FKBP15: variants seen among roughly 807,000 people sequenced by gnomAD.
The protein encoded by FKBP15 is FKBP prolyl isomerase family member 15.
Under a neutral mutation model 158.1 loss-of-function variants are expected in FKBP15, and 106 were observed. The observed-to-expected ratio is 0.67, with a 90% CI of 0.57 to 0.79. FKBP15 has a LOEUF of 0.79. FKBP15 is among the 30% of genes least tolerant of loss of function. The pLI, the probability that FKBP15 is intolerant of heterozygous loss-of-function variation, is 0.00. For missense variants in FKBP15, 1,287 were observed against 1,479.1 expected (o/e 0.87, Z 2.13); for synonymous variants, 547 against 548.6 (o/e 1.00, Z 0.04).
intron 19 of FKBP15, 24 bp downstream of exon 19, chr9:113,182,742 C>A (rs1830420687): frequency 6.3e-7 from 1 of 1,596,670 alleles, no homozygotes; most frequent in African/African-American, 1.3e-5. Context: ...CTGACCTGGG[C>A]TTTTCTCTCC....
chr9:113,205,176 T>C (rs1339308992), intron 4 of FKBP15, among the ~76,000 whole-genome samples: 1 of 152,200 alleles, frequency 6.6e-6, no homozygotes, highest in Non-Finnish European at 1.5e-5. Flanking sequence ...AAGAAAAAAC[T>C]TGATAATATG....
In FKBP15 at chr9:113,183,591, A is replaced by T. The variant is rs564425819; in HGVS notation, c.1811+160T>A. The stretch of plus-strand genomic sequence containing the variant: ...CAGCCTACTAAGCTCCTTCTACTGC[A>T]ATGCCTCTCAGAAAACAGGCAATAA... On this transcript the variant is annotated intron_variant, in intron 18 of 27. Coordinates refer to ENST00000238256, the MANE Select transcript of FKBP15 (RefSeq NM_015258.2). Among the ~76,000 whole-genome samples, 11 of 152,330 alleles carry T rather than the reference A, an allele frequency of 7.2e-5. No individual in the cohort carries two copies. The South Asian group carries it at 2.1e-3, about 29-fold the overall frequency.
intron 23 of FKBP15, among the ~76,000 whole-genome samples, chr9:113,172,773 C>T (rs1830236738): frequency 6.6e-6 from 1 of 152,208 alleles, no homozygotes; most frequent in African/African-American, 2.4e-5. Context: ...CATTCATCTG[C>T]AAGATTGCCT....
intron 1 of FKBP15, among the ~76,000 whole-genome samples, chr9:113,215,428 AT>A (rs1429026374): frequency 4.0e-5 from 6 of 151,800 alleles, no homozygotes; most frequent in African/African-American, 1.5e-4. Context: ...CATACACAAC[AT>A]TTATCAATTA....
rs1011945250 is a variant in FKBP15, at chr9:113,164,233, C to T, written c.*1845G>A. 1.3e-5 allele frequency: 2 copies of T among 152,178 alleles called. No individual in the cohort carries two copies. Among genetic ancestry groups the T allele is most frequent in the African/African-American group, 4.8e-5 (2 of 41,422 alleles). 9.4% of individuals were successfully genotyped at this position (152,178 alleles called of 1,614,324 possible). ...AGTGGGGCTAATAGAACTGGTAGTA[C>T]TCTTTATAAGCCTGTCTGAGGACAG... On this transcript the variant is annotated 3_prime_UTR_variant, in exon 28 of 28. Transcript: ENST00000238256.
chr9:113,200,419 C>T (rs887115870), intron 6 of FKBP15, among the ~76,000 whole-genome samples: 2 of 152,090 alleles, frequency 1.3e-5, no homozygotes, highest in Admixed American at 6.6e-5. Context: ...TTTGAAAAAA[C>T]GTCAGAAGGC....
chr9:113,218,395 A>G (rs909065096), intron 1 of FKBP15, among the ~76,000 whole-genome samples: 1 of 145,952 alleles, frequency 6.9e-6, no homozygotes, highest in Non-Finnish European at 1.5e-5. Context: ...ATATATATAT[A>G]TATATATATA....
intron 19 of FKBP15, 62 bp downstream of exon 19, chr9:113,182,704 A>T: frequency 7.4e-7 from 1 of 1,348,710 alleles, no homozygotes; most frequent in East Asian, 2.3e-5. Context: ...GAGTATGTAC[A>T]TGGGACCATT....
intron 21 of FKBP15, 36 bp downstream of exon 21, chr9:113,176,501 A>G: frequency 1.3e-6 from 2 of 1,536,452 alleles, no homozygotes; most frequent in South Asian, 2.4e-5. Flanking sequence ...TGTTTATTAA[A>G]CAGCTAATTC....
rs749752433 is a variant in FKBP15, at chr9:113,161,778, C to T, written c.*4300G>A. On this transcript the variant is annotated 3_prime_UTR_variant, in exon 28 of 28. Coordinates refer to ENST00000238256, the MANE Select transcript of FKBP15 (RefSeq NM_015258.2). ...CAGGCTGGCCCAGACAGCATTAGCC[C>T]CACTTCACAGAGAGGACAGCGAGGC... 2 of 1,487,332 alleles carry T rather than the reference C, an allele frequency of 1.3e-6. No homozygotes were observed. Among genetic ancestry groups the T allele is most frequent in the East Asian group, 4.5e-5 (2 of 44,162 alleles). 92.1% of individuals were successfully genotyped at this position (1,487,332 alleles called of 1,614,324 possible).
At chr9:113,189,982 GAC>G (rs1830547082) in intron 12 of FKBP15, among the ~76,000 whole-genome samples, 1 of 152,136 alleles carries the variant, frequency 6.6e-6, no homozygotes, top group East Asian at 1.9e-4. Flanking sequence ...GGAGAAAATT[GAC>G]AGACTTGAAT....
At chr9:113,180,753 TAAA>T in intron 19 of FKBP15, among the ~76,000 whole-genome samples, 1 of 152,282 alleles carries the variant, frequency 6.6e-6, no homozygotes, top group East Asian at 1.9e-4. Flanking sequence ...CCCTGTAAAA[TAAA>T]AAGGTTAAAC....
chr9:113,192,724 C>T (rs905642821), intron 11 of FKBP15, among the ~76,000 whole-genome samples: 2 of 152,142 alleles, frequency 1.3e-5, no homozygotes, highest in African/African-American at 2.4e-5. Context: ...CTAAAAACTC[C>T]ATAGGCATTA....
chr9:113,187,732 A>G (rs769480843), intron 14 of FKBP15, 61 bp downstream of exon 14: 3 of 1,324,666 alleles, frequency 2.3e-6, no homozygotes, highest in Non-Finnish European at 3.2e-6. Context: ...GAAGAAGAAA[A>G]GAGACTGACT....
chr9:113,176,200 TCTC>T (rs1054861688), intron 21 of FKBP15, among the ~76,000 whole-genome samples: 2 of 152,166 alleles, frequency 1.3e-5, no homozygotes, highest in Non-Finnish European at 2.9e-5. Flanking sequence ...GTGAGAAAGA[TCTC>T]CTTCTTATGT....
chr9:113,184,502 G>T lies in FKBP15; in HGVS notation c.1609-103C>A, dbSNP rs1237388714. 2.0e-6 allele frequency: 2 copies of T among 991,866 alleles called. No homozygotes were observed. Among genetic ancestry groups the T allele is most frequent in the Admixed American group, 4.3e-5 (2 of 46,650 alleles). 61.4% of individuals were successfully genotyped at this position (991,866 alleles called of 1,614,324 possible). A position where few individuals can be genotyped will look rare whatever the true frequency, so the allele number is the denominator to read the frequency against. On this transcript the variant is annotated intron_variant, in intron 16 of 27. Coordinates refer to ENST00000238256, the MANE Select transcript of FKBP15 (RefSeq NM_015258.2). The surrounding 1 kb of genome is among the most constrained non-coding windows in gnomAD (Gnocchi z 4.5). ...TTGTTAAGGGGGTTAATGAGTTCCT[G>T]GGACAATCTCTAACTGTTAAGTTAG... is the stretch of plus-strand genomic sequence containing the variant.
chr9:113,206,875 C>T, intron 3 of FKBP15: 1 of 434,366 alleles, frequency 2.3e-6, no homozygotes, highest in Non-Finnish European at 4.1e-6. Context: ...CGCCACCGCA[C>T]CCGGCCCAGC....
At position 113,169,569 on chromosome 9, in the gene FKBP15, T is replaced by C. The variant is rs1687009685; in HGVS notation, c.3140A>G (p.Glu1047Gly). The C allele has an allele frequency of 5.6e-6, 9 of 1,614,000 alleles. No individual in the cohort carries two copies. The highest frequency in any genetic ancestry group is 6.8e-6 in the Non-Finnish European group (8 of 1,179,886). The change falls in exon 26 of 28, where the codon GAG (glutamate) becomes GGG (glycine). Residue 1047 changes from glutamate (E) to glycine (G), a missense_variant. Coordinates refer to ENST00000238256, the MANE Select transcript of FKBP15 (RefSeq NM_015258.2). ...VLGPPTSIPP[E>G]PLGPVSMDSE... ...GTCCATGGATACAGGGCCTAGGGGC[T>C]CAGGTGGAATTGAAGTCGGGGGCCC...
At chr9:113,216,792 G>A (rs1831143302) in intron 1 of FKBP15, among the ~76,000 whole-genome samples, 1 of 152,104 alleles carries the variant, frequency 6.6e-6, no homozygotes, top group African/African-American at 2.4e-5. Flanking sequence ...AGACAAGAGT[G>A]TCATAAGTGA....
Sources: allele counts gnomAD v4.1 joint callset (sites outside exome capture counted in the v4.1 genomes callset), GRCh38; gene constraint gnomAD v4.1.1; non-coding constraint Gnocchi (gnomAD v3.1); transcripts MANE v1.5; gene names NCBI Gene and HGNC (gene_info 2026-07-23, HGNC 2026-07-21).